CAMKMT: variants seen among roughly 807,000 people sequenced by gnomAD.
CAMKMT encodes CaM KMT.
A neutral mutation model predicts 48.0 loss-of-function variants in CAMKMT; 53 were observed. The observed-to-expected ratio is 1.10, with a 90% CI of 0.89 to 1.39. The LOEUF (loss-of-function observed/expected upper bound fraction) is 1.39, where lower values mean the gene tolerates loss of function less well. CAMKMT is among the 40% of genes most tolerant of loss of function. The pLI, the probability that CAMKMT is intolerant of heterozygous loss-of-function variation, is 0.00. For synonymous variants in CAMKMT, 165 were observed against 152.3 expected, an observed-to-expected ratio of 1.08 and a Z score of -0.61; for missense variants, 428 against 402.7, an observed-to-expected ratio of 1.06 and a Z score of -0.54.
intron 2 of CAMKMT, among the ~76,000 whole-genome samples, chr2:44,380,060 C>G (rs1680085918): frequency 6.6e-6 from 1 of 151,964 alleles, no homozygotes; most frequent in African/African-American, 2.4e-5. Context: ...TGCTTTTCAC[C>G]TCTAGTTTCA....
intron 3 of CAMKMT, among the ~76,000 whole-genome samples, chr2:44,522,077 C>T (rs927568652): frequency 1.5e-4 from 23 of 151,406 alleles, no homozygotes; most frequent in Non-Finnish European, 7.4e-5. Flanking sequence ...AATCTCAGCT[C>T]ACTGCAGCCT....
intron 6 of CAMKMT, among the ~76,000 whole-genome samples, chr2:44,712,382 A>G (rs1206903120): frequency 6.6e-6 from 1 of 152,162 alleles, no homozygotes; most frequent in Admixed American, 6.6e-5. Flanking sequence ...AATAATTGCT[A>G]ATTGCAGGAG....
At chr2:44,696,580 G>GTT (rs1246958409) in intron 3 of CAMKMT, among the ~76,000 whole-genome samples, 1 of 152,140 alleles carries the variant, frequency 6.6e-6, no homozygotes, top group East Asian at 1.9e-4. Context: ...TTGGGCTTGG[G>GTT]AGACACCAGG....
intron 3 of CAMKMT, among the ~76,000 whole-genome samples, chr2:44,547,647 A>T (rs769734390): frequency 5.3e-5 from 8 of 152,222 alleles, no homozygotes; most frequent in Non-Finnish European, 1.2e-4. Context: ...TACAATGTTT[A>T]GGTCTTGGGG....
At chr2:44,679,216 A>G (rs898078634) in intron 3 of CAMKMT, among the ~76,000 whole-genome samples, 2 of 152,064 alleles carry the variant, frequency 1.3e-5, no homozygotes, top group Non-Finnish European at 2.9e-5. Flanking sequence ...GTGACCATTT[A>G]TTTGCCTATT....
chr2:44,673,512 A>G (rs867463535), intron 3 of CAMKMT, among the ~76,000 whole-genome samples: 15 of 115,260 alleles, frequency 1.3e-4, no homozygotes, highest in African/African-American at 5.3e-4. Context: ...GAAGGAAGGA[A>G]GGAAGGAAGG....
intron 3 of CAMKMT, among the ~76,000 whole-genome samples, chr2:44,499,922 T>C (rs916410564): frequency 7.0e-6 from 1 of 143,242 alleles, no homozygotes. Context: ...TTGGGTTGAA[T>C]TGAATATAAA....
chr2:44,569,787 C>T (rs934621008), intron 3 of CAMKMT, among the ~76,000 whole-genome samples: 3 of 152,174 alleles, frequency 2.0e-5, no homozygotes, highest in African/African-American at 7.2e-5. Context: ...AAATAAAATG[C>T]TCTTTGTTGC....
At chr2:44,477,312 A>C (rs1003805633) in intron 3 of CAMKMT, among the ~76,000 whole-genome samples, 11 of 152,306 alleles carry the variant, frequency 7.2e-5, no homozygotes, top group Non-Finnish European at 1.6e-4. Flanking sequence ...AGGTGTACCC[A>C]CCCTGAGAAC....
chr2:44,388,507 A>G lies in CAMKMT; in HGVS notation c.312-1734A>G, dbSNP rs182423324. ...TAACCTCCTGAATTCTTTTTCAGGT[A>G]AATCAGGGATTTCTTCTTGGTCCGG... On this transcript the variant is annotated intron_variant, in intron 2 of 10. Coordinates refer to ENST00000378494, the MANE Select transcript of CAMKMT (RefSeq NM_024766.5). Among the ~76,000 whole-genome samples, 398 of 152,220 alleles carry G rather than the reference A, an allele frequency of 2.6e-3. 1 individual carries two copies. The highest frequency in any genetic ancestry group is 9.0e-3 in the African/African-American group (373 of 41,532).
At chr2:44,580,567 A>G (rs1015577494) in intron 3 of CAMKMT, among the ~76,000 whole-genome samples, 1 of 152,168 alleles carries the variant, frequency 6.6e-6, no homozygotes, top group Non-Finnish European at 1.5e-5. Flanking sequence ...GTCACTTATT[A>G]TTGTTCATTT....
At chr2:44,508,628 T>C (rs143988417) in intron 3 of CAMKMT, among the ~76,000 whole-genome samples, 1 of 152,320 alleles carries the variant, frequency 6.6e-6, no homozygotes, top group East Asian at 1.9e-4. Context: ...GTAGGATGTG[T>C]AGTAAAAGGA....
Position 44,445,872 on chromosome 2 carries a change from G to C in CAMKMT, c.376+55567G>C, listed in dbSNP as rs113620399. Among the ~76,000 whole-genome samples, 313 of 151,854 alleles carry C rather than the reference G, an allele frequency of 2.1e-3. No homozygotes were observed. The Middle Eastern group carries it at 0.024, about 12-fold the overall frequency. The stretch of plus-strand genomic sequence containing the variant: ...CAAATGGTCATGCAACCAAAGTCTT[G>C]AAGTCTCGGACAATGACCCCTTCTG... On this transcript the variant is annotated intron_variant, in intron 3 of 10. Coordinates refer to ENST00000378494, the MANE Select transcript of CAMKMT (RefSeq NM_024766.5).
At chr2:44,675,741 T>C (rs772420892) in intron 3 of CAMKMT, among the ~76,000 whole-genome samples, 2 of 152,208 alleles carry the variant, frequency 1.3e-5, no homozygotes, top group Non-Finnish European at 2.9e-5. Flanking sequence ...ATTCACATCA[T>C]TGTGCAAACA....
intron 9 of CAMKMT, among the ~76,000 whole-genome samples, chr2:44,759,038 T>G (rs1338765849): frequency 2.0e-5 from 3 of 151,846 alleles, no homozygotes; most frequent in Non-Finnish European, 4.4e-5. Context: ...CTTCAGAAAT[T>G]GGCCCTACCC....
intron 3 of CAMKMT, among the ~76,000 whole-genome samples, chr2:44,405,024 G>C (rs991414356): frequency 2.6e-5 from 4 of 152,052 alleles, no homozygotes; most frequent in Non-Finnish European, 5.9e-5. Flanking sequence ...TCTTAGACAA[G>C]GGGAAAAGGG....
At chr2:44,413,646 C>T (rs1172517749) in intron 3 of CAMKMT, among the ~76,000 whole-genome samples, 4 of 144,594 alleles carry the variant, frequency 2.8e-5, no homozygotes, top group African/African-American at 5.1e-5. Flanking sequence ...AGTGAGACTC[C>T]GTCTCAAAAA....
chr2:44,446,583 T>TG (rs1667012344), intron 3 of CAMKMT, among the ~76,000 whole-genome samples: 1 of 152,126 alleles, frequency 6.6e-6, no homozygotes, highest in African/African-American at 2.4e-5. Flanking sequence ...TGGCCTCAAG[T>TG]GATCCACCCA....
intron 7 of CAMKMT, among the ~76,000 whole-genome samples, chr2:44,724,115 G>C (rs1053496751): frequency 6.6e-6 from 1 of 152,080 alleles, no homozygotes; most frequent in Non-Finnish European, 1.5e-5. Flanking sequence ...TGTGGCTAAA[G>C]AATGTTCTAG....
Sources: gnomAD v4.1 joint callset for allele counts (sites outside exome capture counted in the v4.1 genomes callset) on GRCh38, gnomAD v4.1.1 for gene constraint, MANE v1.5 for transcripts, NCBI Gene and HGNC (gene_info 2026-07-23, HGNC 2026-07-21) for gene names.